RAPGEF6: variants seen among roughly 807,000 people sequenced by gnomAD.
The protein encoded by RAPGEF6 is Rap guanine nucleotide exchange factor 6.
A neutral mutation model predicts 171.4 loss-of-function variants in RAPGEF6; 56 were observed. That is an observed-to-expected ratio of 0.33 (90% CI 0.26 to 0.41). The LOEUF (loss-of-function observed/expected upper bound fraction) is 0.41. Ranked by LOEUF, RAPGEF6 falls within the 10% of genes least tolerant of loss-of-function variation. The probability of loss-of-function intolerance (pLI) is 1.00; values close to 1 mark genes in which losing one functional copy is unlikely to be tolerated. For missense variants in RAPGEF6, 1,674 were observed against 1,921.4 expected (o/e 0.87, Z 2.41); for synonymous variants, 692 against 650.1 (o/e 1.06, Z -0.98).
chr5:131,468,720 C>T (rs144302327), intron 17 of RAPGEF6, among the ~76,000 whole-genome samples: 6 of 152,104 alleles, frequency 3.9e-5, no homozygotes, highest in Non-Finnish European at 7.3e-5. Flanking sequence ...AGCCTCCACT[C>T]TCAGGGAATT....
At chr5:131,429,614 T>C (rs145769080) in intron 26 of RAPGEF6, among the ~76,000 whole-genome samples, 4 of 152,276 alleles carry the variant, frequency 2.6e-5, no homozygotes, top group Non-Finnish European at 5.9e-5. Context: ...TACATAGAAA[T>C]GACATTTGGG....
chr5:131,584,074 G>A (rs186757283), intron 4 of RAPGEF6, among the ~76,000 whole-genome samples: 2 of 152,256 alleles, frequency 1.3e-5, no homozygotes, highest in Non-Finnish European at 2.9e-5. Context: ...AGTGGCATGA[G>A]GAAACTTTTT....
At chr5:131,445,493 C>CTCTGTGTGTGTGTGTGTGTGTGTGTGTG (rs1554070849) in intron 22 of RAPGEF6, among the ~76,000 whole-genome samples, 4 of 147,224 alleles carry the variant, frequency 2.7e-5, no homozygotes, top group African/African-American at 1.0e-4. Flanking sequence ...AACTCACTCT[C>CTCTGTGTGTGTGTGTGTGTGTGTGTGTG]TGTGTGTGTG....
At chr5:131,543,597 AACC>A (rs1760299368) in intron 6 of RAPGEF6, among the ~76,000 whole-genome samples, 1 of 152,204 alleles carries the variant, frequency 6.6e-6, no homozygotes, top group African/African-American at 2.4e-5. Flanking sequence ...AAATTTCAAC[AACC>A]ACCCCCTAAG....
chr5:131,632,816 T>C (rs1766396510), intron 1 of RAPGEF6, among the ~76,000 whole-genome samples: 1 of 152,162 alleles, frequency 6.6e-6, no homozygotes, highest in Non-Finnish European at 1.5e-5. Context: ...TTCATACTTC[T>C]TTACCCCAAA....
chr5:131,449,893 T>C (rs919529089), intron 21 of RAPGEF6: 4 of 1,018,382 alleles, frequency 3.9e-6, no homozygotes, highest in African/African-American at 1.6e-5. Flanking sequence ...AGAAGGCATT[T>C]GTCAGGAATG....
chr5:131,608,700 GGTAA>G (rs1310422794), intron 1 of RAPGEF6, among the ~76,000 whole-genome samples: 3 of 152,048 alleles, frequency 2.0e-5, no homozygotes, highest in East Asian at 1.9e-4. Context: ...TGTCTGAGGG[GGTAA>G]GTGAGTTCTC....
intron 1 of RAPGEF6, among the ~76,000 whole-genome samples, chr5:131,622,402 A>T (rs541478512): frequency 6.6e-6 from 1 of 152,236 alleles, no homozygotes; most frequent in Non-Finnish European, 1.5e-5. Context: ...TGTGAACTCT[A>T]TAACACTGTG....
intron 15 of RAPGEF6, among the ~76,000 whole-genome samples, chr5:131,483,660 A>G (rs142337613): frequency 5.3e-4 from 80 of 152,318 alleles, no homozygotes; most frequent in Non-Finnish European, 1.0e-3. Context: ...CACACGAAAC[A>G]AAAGTCAAAA....
At chr5:131,524,575 G>A (rs1580967762) in intron 6 of RAPGEF6, among the ~76,000 whole-genome samples, 1 of 146,188 alleles carries the variant, frequency 6.8e-6, no homozygotes, top group Admixed American at 7.0e-5. Flanking sequence ...GGGAGAGGAG[G>A]AGAGAGAGGG....
At chr5:131,602,688 G>A (rs929294265) in intron 3 of RAPGEF6, among the ~76,000 whole-genome samples, 1 of 152,114 alleles carries the variant, frequency 6.6e-6, no homozygotes, top group Non-Finnish European at 1.5e-5. Context: ...TTGAACCTGG[G>A]AGGCGGAAGT....
chr5:131,495,119 C>CAGA (rs1756548896), intron 13 of RAPGEF6, among the ~76,000 whole-genome samples: 1 of 151,788 alleles, frequency 6.6e-6, no homozygotes, highest in Non-Finnish European at 1.5e-5. Context: ...CTGGTGAAAC[C>CAGA]CTGTCTCTGC....
intron 1 of RAPGEF6, among the ~76,000 whole-genome samples, chr5:131,627,775 G>T (rs920210252): frequency 6.6e-6 from 1 of 152,050 alleles, no homozygotes; most frequent in Non-Finnish European, 1.5e-5. Context: ...CATCAAGCAA[G>T]TCCAACAGCA....
chr5:131,535,914 G>A (rs1166710236), intron 6 of RAPGEF6, among the ~76,000 whole-genome samples: 1 of 151,982 alleles, frequency 6.6e-6, no homozygotes, highest in African/African-American at 2.4e-5. Flanking sequence ...GCCATAAGAG[G>A]ATAAACATTC....
At chr5:131,557,052 G>C (rs548767871) in intron 5 of RAPGEF6, among the ~76,000 whole-genome samples, 1 of 152,240 alleles carries the variant, frequency 6.6e-6, no homozygotes, top group Admixed American at 6.5e-5. Context: ...CTGCAGACGT[G>C]TGTCACAACA....
intron 4 of RAPGEF6, among the ~76,000 whole-genome samples, chr5:131,591,863 T>A (rs1010337190): frequency 6.6e-6 from 1 of 152,266 alleles, no homozygotes; most frequent in South Asian, 2.1e-4. Flanking sequence ...AAAACTAATT[T>A]TTTTTTCTTT....
chr5:131,502,225 TAATA>T (rs1757069904), intron 11 of RAPGEF6, among the ~76,000 whole-genome samples: 1 of 152,210 alleles, frequency 6.6e-6, no homozygotes, highest in Non-Finnish European at 1.5e-5. Flanking sequence ...TACAATGAGT[TAATA>T]AATGCATGAG....
At chr5:131,472,354 A>G in intron 17 of RAPGEF6, 2 of 546,194 alleles carry the variant, frequency 3.7e-6, no homozygotes, top group South Asian at 3.6e-5. Flanking sequence ...TACAGGCGTG[A>G]GCCACTGCGC....
At chr5:131,617,304 AC>A (rs1451860758) in intron 1 of RAPGEF6, among the ~76,000 whole-genome samples, 11 of 89,138 alleles carry the variant, frequency 1.2e-4, no homozygotes, top group African/African-American at 2.9e-4. Flanking sequence ...ACACACACAC[AC>A]ACAAAAAAAA....
Sources: gnomAD v4.1 joint callset for allele counts (sites outside exome capture counted in the v4.1 genomes callset) on GRCh38, gnomAD v4.1.1 for gene constraint, MANE v1.5 for transcripts, NCBI Gene and HGNC (gene_info 2026-07-23, HGNC 2026-07-21) for gene names.